The following RAP1A variants were observed in gnomAD, a reference collection of about 807,000 sequenced individuals.
The protein encoded by RAP1A is RAP1A, member of RAS oncogene family.
Under a neutral mutation model 26.4 loss-of-function variants are expected in RAP1A, and 6 were observed. The ratio of observed to expected loss-of-function variants is 0.23; its 90% confidence interval spans 0.12 to 0.45. The LOEUF is 0.45. Ranked by LOEUF, RAP1A falls within the 20% of genes least tolerant of loss-of-function variation. The probability of loss-of-function intolerance (pLI) is 0.99; values close to 1 mark genes in which losing one functional copy is unlikely to be tolerated. For missense variants in RAP1A, 121 were observed against 217.2 expected, an observed-to-expected ratio of 0.56 and a Z score of 2.78; for synonymous variants, 73 against 79.4, an observed-to-expected ratio of 0.92 and a Z score of 0.43.
At chr1:111,606,200 GA>G (rs1392633195) in intron 1 of RAP1A, among the ~76,000 whole-genome samples, 2 of 152,128 alleles carry the variant, frequency 1.3e-5, no homozygotes, top group Admixed American at 1.3e-4. Flanking sequence ...AACTCTCTCT[GA>G]ATCTATTTAA....
chr1:111,692,423 T>G (rs1003537508), intron 2 of RAP1A, among the ~76,000 whole-genome samples: 1 of 152,210 alleles, frequency 6.6e-6, no homozygotes, highest in African/African-American at 2.4e-5. Flanking sequence ...GTTAGGCATG[T>G]AAGTCAGTAC....
At chr1:111,629,731 C>T (rs909035941) in intron 1 of RAP1A, among the ~76,000 whole-genome samples, 1 of 151,958 alleles carries the variant, frequency 6.6e-6, no homozygotes, top group Non-Finnish European at 1.5e-5. Flanking sequence ...GTGCGTGTGA[C>T]TTTTTTTTAC....
intron 1 of RAP1A, among the ~76,000 whole-genome samples, chr1:111,625,194 A>T (rs557917658): frequency 2.0e-5 from 3 of 152,338 alleles, no homozygotes; most frequent in East Asian, 3.9e-4. Flanking sequence ...CTAGGTGTAT[A>T]CGCCTATAAC....
intron 1 of RAP1A, among the ~76,000 whole-genome samples, chr1:111,628,012 A>T (rs544225128): frequency 5.3e-5 from 8 of 152,000 alleles, no homozygotes; most frequent in African/African-American, 1.4e-4. Context: ...TTGCTTTGCC[A>T]CTTACTAAGT....
intron 1 of RAP1A, among the ~76,000 whole-genome samples, chr1:111,572,684 A>T (rs1658073463): frequency 6.6e-6 from 1 of 152,192 alleles, no homozygotes; most frequent in Non-Finnish European, 1.5e-5. Context: ...AAATAGGAGG[A>T]TGACCAACTA....
chr1:111,600,767 A>C (rs1458158140), intron 1 of RAP1A, among the ~76,000 whole-genome samples: 1 of 152,230 alleles, frequency 6.6e-6, no homozygotes, highest in East Asian at 1.9e-4. Flanking sequence ...TTTATCCCAA[A>C]GTCAAAAATT....
intron 1 of RAP1A, among the ~76,000 whole-genome samples, chr1:111,646,830 C>T (rs542882079): frequency 1.6e-4 from 25 of 152,326 alleles, no homozygotes; most frequent in Admixed American, 1.2e-3. Context: ...TGAGCCACCG[C>T]GCACAGACGA....
At chr1:111,567,320 A>T (rs1657942332) in intron 1 of RAP1A, among the ~76,000 whole-genome samples, 1 of 152,184 alleles carries the variant, frequency 6.6e-6, no homozygotes, top group African/African-American at 2.4e-5. Context: ...AATTACTTAA[A>T]CACTAGGTAG....
intron 3 of RAP1A, among the ~76,000 whole-genome samples, chr1:111,696,695 C>A (rs999328713): frequency 3.3e-5 from 5 of 152,174 alleles, no homozygotes; most frequent in African/African-American, 1.2e-4. Flanking sequence ...ACCTAAAATT[C>A]TAAGGGACTA....
At chr1:111,605,234 A>G (rs1658747667) in intron 1 of RAP1A, among the ~76,000 whole-genome samples, 1 of 152,194 alleles carries the variant, frequency 6.6e-6, no homozygotes, top group Admixed American at 6.5e-5. Flanking sequence ...CCAAGGGCCA[A>G]TTTACCCGAC....
chr1:111,558,649 T>G (rs1200736421), intron 1 of RAP1A, among the ~76,000 whole-genome samples: 1 of 147,136 alleles, frequency 6.8e-6, no homozygotes, highest in East Asian at 2.0e-4. Context: ...GACAAAAATT[T>G]TGCTAAAATA....
intron 1 of RAP1A, among the ~76,000 whole-genome samples, chr1:111,673,356 A>T (rs2101187869): frequency 6.6e-6 from 1 of 152,298 alleles, no homozygotes; most frequent in East Asian, 1.9e-4. Flanking sequence ...CTGATCACTA[A>T]ATTTCCTTTA....
intron 1 of RAP1A, among the ~76,000 whole-genome samples, chr1:111,587,725 G>C (rs890916321): frequency 6.6e-6 from 1 of 151,966 alleles, no homozygotes; most frequent in Non-Finnish European, 1.5e-5. Context: ...TACAAATCTA[G>C]TGCAATCTGG....
rs146890637 is a variant in RAP1A at position 111,577,827 on chromosome 1, A to G, written c.-28+35318A>G. ...TTCCCATGAAGTAATGTCAGGCTCT[A>G]TAAAGGCAGTTGGGGCTGTGGGCCT... On this transcript the variant is annotated intron_variant, in intron 1 of 7. Transcript: ENST00000356415. 8.9e-3 allele frequency among the ~76,000 whole-genome samples: 1,361 copies of G among 152,296 alleles called. 15 individuals are homozygous for G. Among genetic ancestry groups the G allele is most frequent in the Non-Finnish European group, 0.013 (894 of 68,028 alleles).
chr1:111,610,571 CACACACA>C (rs1658909561), intron 1 of RAP1A, among the ~76,000 whole-genome samples: 1 of 143,952 alleles, frequency 6.9e-6, no homozygotes, highest in Non-Finnish European at 1.6e-5. Flanking sequence ...CACACACACA[CACACACA>C]CACCCAACAC....
At chr1:111,695,185 A>G (rs984210407) in intron 2 of RAP1A, among the ~76,000 whole-genome samples, 156 bp from the exon 3 acceptor site, 1 of 132,620 alleles carries the variant, frequency 7.5e-6, no homozygotes, top group Non-Finnish European at 1.6e-5. Context: ...TTATGGATGT[A>G]TCCTTATATT....
At chr1:111,567,724 C>T (rs1410533072) in intron 1 of RAP1A, among the ~76,000 whole-genome samples, 1 of 152,148 alleles carries the variant, frequency 6.6e-6, no homozygotes, top group Non-Finnish European at 1.5e-5. Flanking sequence ...ATCTTCCCCA[C>T]CACAACCCCC....
chr1:111,668,959 G>C (rs182739497), intron 1 of RAP1A, among the ~76,000 whole-genome samples: 28 of 151,060 alleles, frequency 1.9e-4, no homozygotes, highest in African/African-American at 6.8e-4. Context: ...GAGTCCAGGA[G>C]GTCAAGGCTG....
chr1:111,584,526 A>G (rs72695254), intron 1 of RAP1A, among the ~76,000 whole-genome samples: 2,857 of 152,232 alleles, frequency 0.019, 37 homozygotes, highest in Non-Finnish European at 0.026. Context: ...CTATTCATTC[A>G]GGTGGAGCCC....
Sources: allele counts gnomAD v4.1 joint callset (sites outside exome capture counted in the v4.1 genomes callset), GRCh38; gene constraint gnomAD v4.1.1; transcripts MANE v1.5; gene names NCBI Gene and HGNC (gene_info 2026-07-23, HGNC 2026-07-21).